AHCYL1: variants seen among roughly 807,000 people sequenced by gnomAD.
AHCYL1 encodes S-adenosylhomocysteine hydrolase-like protein 1.
AHCYL1 carries 20 observed loss-of-function variants against 79.3 expected under a neutral mutation model. The ratio of observed to expected loss-of-function variants is 0.25; its 90% CI spans 0.18 to 0.37. The LOEUF (loss-of-function observed/expected upper bound fraction) is 0.37. Among genes scored for constraint, AHCYL1 ranks in the 10% least tolerant of loss-of-function variants. The pLI is 1.00. For missense variants in AHCYL1, 330 were observed against 673.6 expected (o/e 0.49, Z 5.65); for synonymous variants, 223 against 242.2 (o/e 0.92, Z 0.74).
intron 11 of AHCYL1, 39 bp downstream of exon 11, chr1:110,018,055 A>T: frequency 6.2e-7 from 1 of 1,606,024 alleles, no homozygotes; most frequent in Non-Finnish European, 8.5e-7. Context: ...TTCAGAGGCT[A>T]AATCTTGAAA....
At chr1:110,019,726 G>T (rs1271942731) in intron 15 of AHCYL1, 100 bp downstream of exon 15, 2 of 1,155,626 alleles carry the variant, frequency 1.7e-6, no homozygotes, top group East Asian at 2.4e-5. Context: ...TCCAATTCCT[G>T]TTCCTGTGCT....
At chr1:110,008,957 C>T in intron 1 of AHCYL1, 77 bp from the exon 2 acceptor site, 1 of 1,147,600 alleles carries the variant, frequency 8.7e-7, no homozygotes, top group Non-Finnish European at 1.3e-6. Context: ...TAGGGAAAGA[C>T]AATGTATCCT....
At chr1:110,015,279 C>T (rs1570887335) in intron 6 of AHCYL1, 146 bp from the exon 7 acceptor site, 7 of 675,362 alleles carry the variant, frequency 1.0e-5, no homozygotes, top group Admixed American at 5.1e-5. Context: ...GACTGTATTT[C>T]CACTCTCTAA....
At chr1:109,985,275 G>A in intron 1 of AHCYL1, 103 bp downstream of exon 1, 1 of 1,458,402 alleles carries the variant, frequency 6.9e-7, no homozygotes, top group Non-Finnish European at 9.1e-7. Context: ...GGGGGTGACT[G>A]GGGACGGCGG....
At chr1:110,003,793 T>C (rs1273217132) in intron 1 of AHCYL1, among the ~76,000 whole-genome samples, 1 of 152,212 alleles carries the variant, frequency 6.6e-6, no homozygotes, top group East Asian at 1.9e-4. Flanking sequence ...TTGCAAATTG[T>C]GGTGTTCAAA....
intron 8 of AHCYL1, 69 bp from the exon 9 acceptor site, chr1:110,016,598 T>C: frequency 3.7e-6 from 6 of 1,606,812 alleles, no homozygotes; most frequent in Non-Finnish European, 5.1e-6. Context: ...GCCCACACTT[T>C]TAACTTTGTG....
chr1:110,008,370 T>C (rs556999735), intron 1 of AHCYL1, among the ~76,000 whole-genome samples: 1 of 152,308 alleles, frequency 6.6e-6, no homozygotes, highest in Non-Finnish European at 1.5e-5. Flanking sequence ...TTCAGATTAG[T>C]CCTAATGAGT....
intron 13 of AHCYL1, 178 bp from the exon 14 acceptor site, chr1:110,018,869 TTTCA>T: frequency 1.4e-6 from 1 of 728,938 alleles, no homozygotes; most frequent in Non-Finnish European, 2.3e-6. Flanking sequence ...TTCTTTAACC[TTTCA>T]GACTCAGATG....
At chr1:109,987,792 G>C (rs970631540) in intron 1 of AHCYL1, among the ~76,000 whole-genome samples, 3 of 152,166 alleles carry the variant, frequency 2.0e-5, no homozygotes, top group Admixed American at 2.0e-4. Flanking sequence ...GAAGATTTGA[G>C]ATGTCTGGGT....
At position 109,985,076 on chromosome 1, in the gene AHCYL1, G is replaced by A. The variant is rs752374481; in HGVS notation, c.24G>A (p.Pro8=). 1.9e-6 allele frequency: 3 copies of A among 1,604,626 alleles called. No individual in the cohort carries two copies. The highest frequency in any genetic ancestry group is 1.3e-5 in the African/African-American group (1 of 74,272). Residue 8 remains proline, a synonymous_variant, in exon 1 of 17, where the codon CCG becomes CCA. Transcript: ENST00000369799. ...GAATGTCGATGCCTGACGCGATGCC[G>A]CTGCCCGGGGTCGGGGAGGAGCTGA... The part of the protein sequence containing the change: MSMPDAM[P]LPGVGEELKQ...
At chr1:110,011,517 A>T (rs1030140593) in intron 3 of AHCYL1, among the ~76,000 whole-genome samples, 160 bp downstream of exon 3, 1 of 152,204 alleles carries the variant, frequency 6.6e-6, no homozygotes, top group Non-Finnish European at 1.5e-5. Flanking sequence ...ATGGAACTTA[A>T]GTCTTGGGAT....
At chr1:110,000,669 G>A (rs1289936127) in intron 1 of AHCYL1, among the ~76,000 whole-genome samples, 1 of 151,994 alleles carries the variant, frequency 6.6e-6, no homozygotes, top group African/African-American at 2.4e-5. Flanking sequence ...GAAATAAAGG[G>A]GAAAGCTGCT....
At chr1:110,005,820 G>A (rs1650614539) in intron 1 of AHCYL1, among the ~76,000 whole-genome samples, 1 of 151,544 alleles carries the variant, frequency 6.6e-6, no homozygotes, top group Non-Finnish European at 1.5e-5. Context: ...TTCTTCTCTT[G>A]AGGTATGTAA....
intron 5 of AHCYL1, among the ~76,000 whole-genome samples, chr1:110,013,705 A>G (rs1369549538): frequency 2.6e-5 from 4 of 152,108 alleles, no homozygotes; most frequent in Non-Finnish European, 5.9e-5. Flanking sequence ...GTGAAACTCC[A>G]TCTCAAAAAT....
Position 109,986,769 on chromosome 1 carries a change from C to T in AHCYL1, c.120+1597C>T, listed in dbSNP as rs558925421. On this transcript the variant is annotated intron_variant, in intron 1 of 16. Coordinates refer to ENST00000369799, the MANE Select transcript of AHCYL1 (RefSeq NM_006621.7). ...CGTAGATTGTAAAAACTCATTAAGG[C>T]AGGGATTCTTGTTCACCTTTGTATC... Among the ~76,000 whole-genome samples, 4 of 152,272 alleles carry T rather than the reference C, an allele frequency of 2.6e-5. No individual in the cohort carries two copies. In the East Asian group the frequency reaches 5.8e-4, roughly 22 times the overall value.
intron 1 of AHCYL1, among the ~76,000 whole-genome samples, chr1:110,004,907 G>C (rs1206269524): frequency 6.6e-6 from 1 of 152,166 alleles, no homozygotes; most frequent in African/African-American, 2.4e-5. Flanking sequence ...GATTAGAAAA[G>C]ATGTAGGAAT....
intron 8 of AHCYL1, 78 bp downstream of exon 8, chr1:110,016,538 A>G (rs1570889644): frequency 5.1e-6 from 8 of 1,558,794 alleles, no homozygotes; most frequent in East Asian, 4.5e-5. Flanking sequence ...TAGAGGGACC[A>G]TTTCATACTG....
intron 1 of AHCYL1, chr1:109,995,605 A>C: frequency 1.0e-6 from 1 of 958,458 alleles, no homozygotes; most frequent in Non-Finnish European, 1.2e-6. Context: ...TTGCTTTATC[A>C]AGAGCCTAGT....
chr1:110,017,545 C>T lies in AHCYL1; in HGVS notation c.1014C>T (p.Tyr338=). 1 of 1,614,116 alleles carries T rather than the reference C, an allele frequency of 6.2e-7. No individual in the cohort carries two copies. The highest frequency in any genetic ancestry group is 8.5e-7 in the Non-Finnish European group (1 of 1,180,006). ...TCAAAGCTCTTGGAGCAATTGTCTACATTACCGAAATCGACCCCATCTGTG... is the reference window on the plus strand; with the variant it reads ...TCAAAGCTCTTGGAGCAATTGTCTATATTACCGAAATCGACCCCATCTGTG... The part of the protein sequence containing the change: ...AALKALGAIV[Y]ITEIDPICAL... Residue 338 remains tyrosine (Y), a synonymous_variant, in exon 10 of 17, where the codon TAC becomes TAT. Transcript: ENST00000369799.
Sources: allele counts gnomAD v4.1 joint callset (sites outside exome capture counted in the v4.1 genomes callset), GRCh38; gene constraint gnomAD v4.1.1; transcripts MANE v1.5; gene names NCBI Gene and HGNC (gene_info 2026-07-23, HGNC 2026-07-21).